CGNL1: variants seen among roughly 807,000 people sequenced by gnomAD.
CGNL1 encodes the protein cingulin like 1, also known as cingulin-like protein 1.
Under a neutral mutation model 141.2 loss-of-function variants are expected in CGNL1, and 132 were observed. The ratio of observed to expected loss-of-function variants is 0.93; its 90% confidence interval spans 0.81 to 1.08. CGNL1 has a LOEUF of 1.08. CGNL1 is among the 50% of genes least tolerant of loss of function. The pLI, the probability that CGNL1 is intolerant of heterozygous loss-of-function variation, is 0.00. For missense variants in CGNL1, 1,870 were observed against 1,588.6 expected (o/e 1.18, Z -3.01); for synonymous variants, 690 against 622.1 (o/e 1.11, Z -1.63).
At chr15:57,531,899 T>C (rs1180448200) in intron 14 of CGNL1, 120 bp downstream of exon 14, 5 of 658,244 alleles carry the variant, frequency 7.6e-6, no homozygotes, top group South Asian at 1.9e-5. Context: ...TAGAAATTGA[T>C]GGAAGATTGA....
At position 57,439,528 on chromosome 15, in the gene CGNL1, C is replaced by T; in HGVS notation, c.1529C>T (p.Ala510Val). The part of the protein sequence containing the change: ...ATATLMLQNR[A>V]TATSPDSGAK... ...GCTACGCTGATGTTACAGAACCGGGCAACAGCAACTTCGCCTGATTCTGGT... is the reference window on the plus strand; with the variant it reads ...GCTACGCTGATGTTACAGAACCGGGTAACAGCAACTTCGCCTGATTCTGGT... Residue 510 changes from alanine to valine, a missense_variant, in exon 2 of 19, where the codon GCA becomes GTA. Physicochemically the swap from Ala to Val is moderately conservative, Grantham distance 64. Transcript: ENST00000281282. 1 of 1,614,162 alleles carries T rather than the reference C, an allele frequency of 6.2e-7. No homozygotes were observed. Among genetic ancestry groups the T allele is most frequent in the Non-Finnish European group, 8.5e-7 (1 of 1,179,992 alleles).
intron 8 of CGNL1, among the ~76,000 whole-genome samples, chr15:57,492,984 A>T (rs1284165143): frequency 6.6e-6 from 1 of 152,202 alleles, no homozygotes; most frequent in Non-Finnish European, 1.5e-5. Context: ...GTATGAGATA[A>T]CATCTGTCCT....
chr15:57,386,137 GA>G (rs1253416989), intron 1 of CGNL1, among the ~76,000 whole-genome samples: 6 of 152,210 alleles, frequency 3.9e-5, no homozygotes, highest in Admixed American at 1.3e-4. Flanking sequence ...AACTTCATTT[GA>G]AACTTGCTTG....
chr15:57,487,370 A>AT (rs1276490287), intron 8 of CGNL1, among the ~76,000 whole-genome samples: 3 of 151,676 alleles, frequency 2.0e-5, no homozygotes, highest in Non-Finnish European at 4.4e-5. Flanking sequence ...CAGAGTCAAA[A>AT]AAAGGTAAAA....
chr15:57,518,595 C>T, intron 10 of CGNL1, 98 bp downstream of exon 10: 2 of 778,944 alleles, frequency 2.6e-6, no homozygotes, highest in Non-Finnish European at 4.4e-6. Context: ...CCCTCTCTTT[C>T]CATGTAGCTC....
intron 8 of CGNL1, among the ~76,000 whole-genome samples, chr15:57,465,185 A>T (rs1420744471): frequency 6.6e-6 from 1 of 152,146 alleles, no homozygotes; most frequent in Non-Finnish European, 1.5e-5. Context: ...TAGTAGATGG[A>T]TGCTGTTTTT....
At chr15:57,528,938 A>AGCTG (rs1170950969) in intron 13 of CGNL1, 123 bp downstream of exon 13, 6 of 998,926 alleles carry the variant, frequency 6.0e-6, no homozygotes, top group Non-Finnish European at 8.8e-6. Context: ...TCTCTCCCAC[A>AGCTG]GCTGGGTGTA....
chr15:57,431,099 C>CT (rs1304963782), intron 1 of CGNL1, among the ~76,000 whole-genome samples: 1 of 152,134 alleles, frequency 6.6e-6, no homozygotes, highest in Non-Finnish European at 1.5e-5. Context: ...ACAGGCTTTT[C>CT]TTTTTTGCCA....
chr15:57,488,203 T>C (rs77647428), intron 8 of CGNL1, among the ~76,000 whole-genome samples: 227 of 152,346 alleles, frequency 1.5e-3, no homozygotes, highest in African/African-American at 5.2e-3. Flanking sequence ...ATGTCTTCTT[T>C]GGAGAGCTAT....
intron 1 of CGNL1, among the ~76,000 whole-genome samples, chr15:57,392,583 T>G (rs2062555288): frequency 6.6e-6 from 1 of 152,204 alleles, no homozygotes; most frequent in Non-Finnish European, 1.5e-5. Flanking sequence ...TTTCCTACCT[T>G]TTCCTTGAGC....
Position 57,545,663 on chromosome 15 carries a change from A to T in CGNL1, c.3572A>T (p.Asp1191Val). Residue 1191 changes from aspartate to valine, a missense_variant, in exon 17 of 19, where the codon GAT becomes GTT. By Grantham distance (152) the Asp-to-Val change is radical. Coordinates refer to ENST00000281282, the MANE Select transcript of CGNL1 (RefSeq NM_032866.5). ...GTGAAGGAGCTGGTGATGCAGGTGG[A>T]TGATGAGCACCTGTCATTGACTGAT... ...RKVKELVMQV[D>V]DEHLSLTDQK... The T allele has an allele frequency of 1.2e-6, 2 of 1,613,642 alleles. No individual in the cohort carries two copies. Among genetic ancestry groups the T allele is most frequent in the South Asian group, 1.1e-5 (1 of 90,940 alleles).
At chr15:57,527,856 A>G (rs1343339978) in intron 12 of CGNL1, among the ~76,000 whole-genome samples, 1 of 151,802 alleles carries the variant, frequency 6.6e-6, no homozygotes, top group Non-Finnish European at 1.5e-5. Context: ...CTGAGTTGAA[A>G]CCTCTTTTGA....
chr15:57,495,355 C>T (rs2063922833), intron 8 of CGNL1, among the ~76,000 whole-genome samples: 1 of 152,182 alleles, frequency 6.6e-6, no homozygotes, highest in Non-Finnish European at 1.5e-5. Flanking sequence ...TCTGGAACCT[C>T]TGCCAGCTCT....
intron 8 of CGNL1, among the ~76,000 whole-genome samples, chr15:57,488,905 T>A (rs533447989): frequency 2.6e-5 from 4 of 152,318 alleles, no homozygotes; most frequent in African/African-American, 9.6e-5. Flanking sequence ...CTGCTTACCA[T>A]GTTGCTGCTT....
At chr15:57,471,746 G>C (rs1277074442) in intron 8 of CGNL1, among the ~76,000 whole-genome samples, 2 of 152,220 alleles carry the variant, frequency 1.3e-5, no homozygotes, top group Non-Finnish European at 2.9e-5. Flanking sequence ...GTGTTCAATA[G>C]TCAGTGTCAA....
chr15:57,417,153 A>G (rs1260647576), intron 1 of CGNL1, among the ~76,000 whole-genome samples: 1 of 152,180 alleles, frequency 6.6e-6, no homozygotes, highest in African/African-American at 2.4e-5. Context: ...GCTCAGTATT[A>G]TTTATTACTG....
chr15:57,414,220 T>G (rs892100785), intron 1 of CGNL1, among the ~76,000 whole-genome samples: 2 of 152,138 alleles, frequency 1.3e-5, no homozygotes, highest in East Asian at 3.9e-4. Flanking sequence ...TGGTGGCCCC[T>G]TCATCCTTTG....
At chr15:57,462,754 G>T (rs775704813) in intron 8 of CGNL1, among the ~76,000 whole-genome samples, 2 of 152,124 alleles carry the variant, frequency 1.3e-5, no homozygotes, top group Admixed American at 6.5e-5. Context: ...AATTGCAAAT[G>T]ACAAGAAATG....
chr15:57,412,034 T>G (rs1361928575), intron 1 of CGNL1, among the ~76,000 whole-genome samples: 1 of 152,242 alleles, frequency 6.6e-6, no homozygotes, highest in Non-Finnish European at 1.5e-5. Context: ...TTGTGTGACA[T>G]TCGCAGGTTT....
Sources: gnomAD v4.1 joint callset for allele counts (sites outside exome capture counted in the v4.1 genomes callset) on GRCh38, gnomAD v4.1.1 for gene constraint, MANE v1.5 for transcripts, NCBI Gene and HGNC (gene_info 2026-07-23, HGNC 2026-07-21) for gene names.